Variants in DGKB observed in about 807,000 individuals in gnomAD.
DGKB encodes the protein 90 kDa diacylglycerol kinase.
A neutral mutation model predicts 114.3 loss-of-function variants in DGKB; 67 were observed. The ratio of observed to expected loss-of-function variants is 0.59; its 90% confidence interval spans 0.48 to 0.72. DGKB has a LOEUF of 0.72. DGKB is among the 30% of genes least tolerant of loss of function. The pLI is 0.00. For missense variants in DGKB, 907 were observed against 975.2 expected (o/e 0.93, Z 0.93); for synonymous variants, 398 against 323.1 (o/e 1.23, Z -2.49).
chr7:14,561,732 T>C (rs1040624126), intron 20 of DGKB, among the ~76,000 whole-genome samples: 2 of 152,092 alleles, frequency 1.3e-5, no homozygotes, highest in Non-Finnish European at 2.9e-5. Context: ...ATTTAGGATA[T>C]CTGAGGAAAG....
chr7:14,161,589 T>A (rs912353895), intron 25 of DGKB, among the ~76,000 whole-genome samples: 5 of 151,512 alleles, frequency 3.3e-5, no homozygotes, highest in African/African-American at 1.2e-4. Context: ...CAGCACATGT[T>A]CTCACTCATA....
intron 1 of DGKB, among the ~76,000 whole-genome samples, chr7:14,868,576 C>T (rs1852012649): frequency 6.6e-6 from 1 of 151,940 alleles, no homozygotes; most frequent in African/African-American, 2.4e-5. Context: ...CCTCGGACTT[C>T]ACAGACCTTC....
intron 25 of DGKB, among the ~76,000 whole-genome samples, chr7:14,165,073 G>A (rs985405488): frequency 1.3e-5 from 2 of 151,976 alleles, no homozygotes; most frequent in African/African-American, 4.8e-5. Flanking sequence ...CTGCCCCTTT[G>A]GATAGTAATC....
At chr7:14,182,669 A>G (rs1054094278) in intron 23 of DGKB, among the ~76,000 whole-genome samples, 1 of 152,190 alleles carries the variant, frequency 6.6e-6, no homozygotes, top group Non-Finnish European at 1.5e-5. Context: ...CAGGGATATG[A>G]ATGTAAATTT....
intron 21 of DGKB, among the ~76,000 whole-genome samples, chr7:14,445,891 G>A (rs913030463): frequency 3.3e-5 from 5 of 151,958 alleles, no homozygotes; most frequent in Non-Finnish European, 7.4e-5. Context: ...TTCCATGAAA[G>A]TCTACTTGTT....
In DGKB at chr7:14,483,170, C is replaced by CT. The variant is rs369447211; in HGVS notation, c.1771-4946dup. On this transcript the variant is annotated intron_variant, in intron 20 of 25. Transcript: ENST00000402815. Reference sequence around the variant, plus strand: ...GATCCTAATAACTGGAACCTGGTAACTTTTTTTACAGAAGTGACCAAGTTG... The same window carrying CT: ...GATCCTAATAACTGGAACCTGGTAACTTTTTTTTACAGAAGTGACCAAGTTG... Among the ~76,000 whole-genome samples, 304 of 152,112 alleles carry CT rather than the reference C, an allele frequency of 2.0e-3. 1 individual carries two copies. Among genetic ancestry groups the CT allele is most frequent in the African/African-American group, 6.4e-3 (265 of 41,516 alleles).
chr7:14,722,740 A>C (rs1355468676), intron 5 of DGKB, among the ~76,000 whole-genome samples: 1 of 152,074 alleles, frequency 6.6e-6, no homozygotes, highest in Non-Finnish European at 1.5e-5. Flanking sequence ...GGAACCCAGG[A>C]GGTGGAGGTT....
At chr7:14,637,048 G>A (rs962591616) in intron 13 of DGKB, among the ~76,000 whole-genome samples, 9 of 151,792 alleles carry the variant, frequency 5.9e-5, no homozygotes, top group Admixed American at 2.0e-4. Flanking sequence ...GATACATAGC[G>A]CACAAGAAGC....
chr7:14,180,609 G>C (rs1782497345), intron 23 of DGKB, among the ~76,000 whole-genome samples: 1 of 152,102 alleles, frequency 6.6e-6, no homozygotes. Context: ...GGCATTCAGG[G>C]AGAGAAAACA....
At chr7:14,736,891 A>G (rs1049053645) in intron 4 of DGKB, among the ~76,000 whole-genome samples, 5 of 152,204 alleles carry the variant, frequency 3.3e-5, no homozygotes, top group Admixed American at 2.6e-4. Context: ...GACAACTTCC[A>G]ACCTCAAGCT....
intron 23 of DGKB, chr7:14,209,600 C>T (rs936018108): frequency 1.7e-5 from 8 of 459,106 alleles, no homozygotes; most frequent in Admixed American, 1.2e-4. Flanking sequence ...CAAAATCTGC[C>T]CCTTAAGAGG....
intron 13 of DGKB, among the ~76,000 whole-genome samples, chr7:14,658,779 GATTA>G (rs987190513): frequency 2.8e-4 from 43 of 151,354 alleles, no homozygotes; most frequent in African/African-American, 4.8e-4. Context: ...TATAAAACAG[GATTA>G]ATTAATTTTA....
At chr7:14,682,692 T>A (rs1563897272) in intron 11 of DGKB, 23 bp from the exon 12 acceptor site, 1 of 1,607,096 alleles carries the variant, frequency 6.2e-7, no homozygotes, top group Non-Finnish European at 8.5e-7. Context: ...GACAACATTG[T>A]GATAAGAGGA....
chr7:14,615,832 G>A lies in DGKB; in HGVS notation c.1285-2419C>T, dbSNP rs181643087. ...TTCAATTAGTTAATTTGATCTGTTT[G>A]ATTCCAGATTCTGGTTTTCAGAGAG... On this transcript the variant is annotated intron_variant, in intron 15 of 25. Transcript: ENST00000402815. 9.6e-4 allele frequency among the ~76,000 whole-genome samples: 146 copies of A among 151,674 alleles called. 1 individual carries two copies. Among genetic ancestry groups the A allele is most frequent in the Admixed American group, 2.0e-3 (31 of 15,188 alleles).
chr7:14,933,491 C>T lies in DGKB; in HGVS notation c.-188+41205G>A, dbSNP rs116222538. Among the ~76,000 whole-genome samples, 806 of 152,228 alleles carry T rather than the reference C, an allele frequency of 5.3e-3. 7 individuals carry two copies. The highest frequency in any genetic ancestry group is 0.019 in the African/African-American group (772 of 41,538). On this transcript the variant is annotated intron_variant, in intron 1 of 4. Coordinates refer to the DGKB transcript ENST00000437998. ...TATTGAATGAATAGAATGCATTTTTCATTGACATTTGTATCTCTCTTCTGC... is the reference window on the plus strand; with the variant it reads ...TATTGAATGAATAGAATGCATTTTTTATTGACATTTGTATCTCTCTTCTGC...
chr7:14,250,883 A>G (rs1481010055), intron 23 of DGKB, among the ~76,000 whole-genome samples: 1 of 152,158 alleles, frequency 6.6e-6, no homozygotes, highest in African/African-American at 2.4e-5. Flanking sequence ...ATAATGTAAT[A>G]ACCTTCTTTG....
At chr7:14,266,408 C>G (rs572183262) in intron 23 of DGKB, among the ~76,000 whole-genome samples, 3 of 152,082 alleles carry the variant, frequency 2.0e-5, no homozygotes, top group Non-Finnish European at 2.9e-5. Context: ...AGAAAATTTG[C>G]AAGGCCAAAT....
chr7:14,341,726 T>C (rs1027841102), intron 22 of DGKB, among the ~76,000 whole-genome samples: 3 of 151,870 alleles, frequency 2.0e-5, no homozygotes, highest in African/African-American at 7.2e-5. Flanking sequence ...TTAACCTTCA[T>C]AAATAAATGA....
At chr7:14,969,262 C>T (rs1365871087) in intron 1 of DGKB, among the ~76,000 whole-genome samples, 1 of 152,074 alleles carries the variant, frequency 6.6e-6, no homozygotes, top group Non-Finnish European at 1.5e-5. Context: ...CACAAATATG[C>T]CTGGGTGATA....
Sources: allele counts gnomAD v4.1 joint callset (sites outside exome capture counted in the v4.1 genomes callset), GRCh38; gene constraint gnomAD v4.1.1; transcripts MANE v1.5; gene names NCBI Gene and HGNC (gene_info 2026-07-23, HGNC 2026-07-21).